The following NPAS2 variants were observed in gnomAD, a reference collection of about 807,000 sequenced individuals.
NPAS2 encodes neuronal PAS domain protein 2.
A neutral mutation model predicts 107.5 loss-of-function variants in NPAS2; 23 were observed. The ratio of observed to expected loss-of-function variants is 0.21; its 90% CI spans 0.15 to 0.30. The LOEUF is 0.30. Ranked by LOEUF, NPAS2 falls within the 10% of genes least tolerant of loss-of-function variation. The probability of loss-of-function intolerance (pLI) is 1.00; values close to 1 mark genes in which losing one functional copy is unlikely to be tolerated. For missense variants in NPAS2, 756 were observed against 1,043.3 expected, an observed-to-expected ratio of 0.72 and a Z score of 3.79; for synonymous variants, 403 against 417.5, an observed-to-expected ratio of 0.97 and a Z score of 0.42.
At position 100,982,336 on chromosome 2, in the gene NPAS2, A is replaced by G. The variant is rs926759800; in HGVS notation, c.1588A>G (p.Ile530Val). The change falls in exon 16 of 21, where the codon ATC (isoleucine) becomes GTC (valine). Residue 530 changes from isoleucine (I) to valine (V), a missense_variant. Physicochemically the swap from Ile to Val is conservative, Grantham distance 29 (BLOSUM62 3). This residue lies in a region of NPAS2 where 496 missense variants were observed against 594.4 expected (regional missense o/e 0.83). Coordinates refer to ENST00000335681, the MANE Select transcript of NPAS2 (RefSeq NM_002518.4). The stretch of plus-strand genomic sequence containing the variant: ...GTGGCAACAGGAAGAGCTCCACAAG[A>G]TCCAGGAGCAGCTCTGCCTGGTCCA... ...IRWQQEELHKIQEQLCLVQDS... is the reference protein window; with the variant it reads ...IRWQQEELHKVQEQLCLVQDS... 1 of 1,614,104 alleles carries G rather than the reference A, an allele frequency of 6.2e-7. No individual in the cohort carries two copies. Among genetic ancestry groups the G allele is most frequent in the Non-Finnish European group, 8.5e-7 (1 of 1,180,010 alleles).
chr2:100,990,942 C>T (rs759899445), intron 19 of NPAS2, 70 bp downstream of exon 19: 53 of 1,317,346 alleles, frequency 4.0e-5, no homozygotes, highest in Non-Finnish European at 5.1e-5. Flanking sequence ...CAGACTCACC[C>T]GCCTGGGCCA....
chr2:100,827,340 C>T (rs1054431740), intron 1 of NPAS2, among the ~76,000 whole-genome samples: 3 of 152,234 alleles, frequency 2.0e-5, no homozygotes, highest in African/African-American at 7.2e-5. Flanking sequence ...ACACTTCGTA[C>T]ATTGCATGAG....
chr2:100,832,702 A>G (rs1195866029), intron 1 of NPAS2, among the ~76,000 whole-genome samples: 1 of 125,016 alleles, frequency 8.0e-6, no homozygotes, highest in Non-Finnish European at 1.7e-5. Flanking sequence ...CTGCCTGGCA[A>G]TGACCCAGGA....
At chr2:100,877,196 T>C (rs1388186283) in intron 1 of NPAS2, among the ~76,000 whole-genome samples, 1 of 152,186 alleles carries the variant, frequency 6.6e-6, no homozygotes, top group African/African-American at 2.4e-5. Flanking sequence ...CTGGGCGCAG[T>C]GGCTTATGCC....
intron 2 of NPAS2, among the ~76,000 whole-genome samples, chr2:100,905,555 T>C (rs1183729085): frequency 6.6e-6 from 1 of 152,098 alleles, no homozygotes; most frequent in African/African-American, 2.4e-5. Flanking sequence ...AGGAAGCTCC[T>C]CAGTGGCTCA....
In NPAS2 at chr2:100,995,145, C is replaced by T. The variant is rs371850414; in HGVS notation, c.2293-255C>T. 6.5e-5 allele frequency: 30 copies of T among 461,298 alleles called. No individual in the cohort carries two copies. In the East Asian group the frequency reaches 8.1e-4, roughly 12 times the overall value. 28.6% of individuals were successfully genotyped at this position (461,298 alleles called of 1,614,324 possible). ...ATTCCCCATAGCCATAGCCACAGGC[C>T]TCAGTCGATTGGGCCAGAAGGTGCC... On this transcript the variant is annotated intron_variant, in intron 20 of 20. Coordinates refer to ENST00000335681, the MANE Select transcript of NPAS2 (RefSeq NM_002518.4).
chr2:100,974,326 G>A lies in NPAS2; in HGVS notation c.1141-477G>A, dbSNP rs185609578. 3.5e-3 allele frequency among the ~76,000 whole-genome samples: 533 copies of A among 152,250 alleles called. 3 individuals carry two copies. Among genetic ancestry groups the A allele is most frequent in the South Asian group, 0.011 (55 of 4,824 alleles). On this transcript the variant is annotated intron_variant, in intron 12 of 20. Coordinates refer to ENST00000335681, the MANE Select transcript of NPAS2 (RefSeq NM_002518.4). ...AGACAGGAGACCCCTTGCCCTCCCCGGTTCTCCACTCCAGGGGACACTGAG... is the reference window on the plus strand; with the variant it reads ...AGACAGGAGACCCCTTGCCCTCCCCAGTTCTCCACTCCAGGGGACACTGAG...
At chr2:100,967,710 A>C (rs1201647561) in intron 10 of NPAS2, among the ~76,000 whole-genome samples, 1 of 151,970 alleles carries the variant, frequency 6.6e-6, no homozygotes, top group African/African-American at 2.4e-5. Context: ...TGCTCTGGAC[A>C]CCCCTAGAAA....
At chr2:100,853,588 T>C (rs1248176448) in intron 1 of NPAS2, among the ~76,000 whole-genome samples, 2 of 152,176 alleles carry the variant, frequency 1.3e-5, no homozygotes, top group Non-Finnish European at 2.9e-5. Context: ...AGGTCAGTGT[T>C]TTAGAACAGG....
intron 5 of NPAS2, among the ~76,000 whole-genome samples, chr2:100,941,151 T>C (rs1468202668): frequency 1.3e-5 from 2 of 152,216 alleles, no homozygotes; most frequent in Non-Finnish European, 2.9e-5. Flanking sequence ...ATCTCAGATG[T>C]AACAGAAGCT....
At chr2:100,858,812 G>A (rs1245626618) in intron 1 of NPAS2, among the ~76,000 whole-genome samples, 4 of 152,054 alleles carry the variant, frequency 2.6e-5, no homozygotes, top group South Asian at 2.1e-4. Flanking sequence ...CATGTTACAC[G>A]TCAGTGTGCA....
intron 20 of NPAS2, chr2:100,995,179 T>C: frequency 2.5e-5 from 12 of 474,024 alleles, no homozygotes; most frequent in Admixed American, 7.5e-5. Context: ...CCCCCACTAT[T>C]GGCGGAGAAC....
intron 16 of NPAS2, chr2:100,983,655 C>T (rs868060166): frequency 8.5e-5 from 13 of 152,358 alleles, no homozygotes; most frequent in African/African-American, 2.9e-4. Flanking sequence ...AGCCCTGCTG[C>T]TCTCCCCACC....
chr2:100,948,470 C>G (rs1281565841), intron 6 of NPAS2, 115 bp downstream of exon 6: 2 of 969,878 alleles, frequency 2.1e-6, no homozygotes, highest in Admixed American at 3.1e-5. Context: ...TTCCTCATGA[C>G]TCAGAACATT....
chr2:100,873,271 AATACATATATATATAT>A (rs1679705096), intron 1 of NPAS2, among the ~76,000 whole-genome samples: 1 of 47,976 alleles, frequency 2.1e-5, no homozygotes, highest in African/African-American at 1.0e-4. Flanking sequence ...AAAAAAAAAA[AATACATATATATATAT>A]ATATATATAT....
chr2:100,887,839 G>C (rs1004411790), intron 1 of NPAS2, among the ~76,000 whole-genome samples: 1 of 152,158 alleles, frequency 6.6e-6, no homozygotes, highest in Non-Finnish European at 1.5e-5. Context: ...CTCCGCGAAC[G>C]GGCCCTGCAT....
At chr2:100,852,608 G>C (rs1678272668) in intron 1 of NPAS2, among the ~76,000 whole-genome samples, 1 of 152,128 alleles carries the variant, frequency 6.6e-6, no homozygotes, top group Non-Finnish European at 1.5e-5. Context: ...TGTCTAGCTA[G>C]AGTGGAAAGA....
At chr2:100,818,937 G>A (rs1341313486), upstream of NPAS2, among the ~76,000 whole-genome samples, 1 of 152,190 alleles carries the variant, frequency 6.6e-6, no homozygotes, top group Non-Finnish European at 1.5e-5. Flanking sequence ...TCCGGACCTC[G>A]GCGGGGCACA....
In NPAS2 at chr2:100,864,935, T is replaced by C. The variant is rs74388834; in HGVS notation, c.-22-39798T>C. Among the ~76,000 whole-genome samples, 1,139 of 152,326 alleles carry C rather than the reference T, an allele frequency of 7.5e-3. 8 individuals are homozygous for C. Among genetic ancestry groups the C allele is most frequent in the Admixed American group, 0.012 (182 of 15,304 alleles). ...TTTTAACACAAAAATAATAACTACG[T>C]TTCCCCAAACAGTATAATTTAGTGA... On this transcript the variant is annotated intron_variant, in intron 1 of 20. Coordinates refer to ENST00000335681, the MANE Select transcript of NPAS2 (RefSeq NM_002518.4).
Sources: allele counts gnomAD v4.1 joint callset (sites outside exome capture counted in the v4.1 genomes callset), GRCh38; gene constraint gnomAD v4.1.1; regional missense constraint gnomAD v4.1.1; transcripts MANE v1.5; gene names NCBI Gene and HGNC (gene_info 2026-07-23, HGNC 2026-07-21).